UBE2R2: variants seen among roughly 807,000 people sequenced by gnomAD.
UBE2R2 encodes ubiquitin conjugating enzyme E2 R2.
UBE2R2 carries 1 observed loss-of-function variant against 27.8 expected under a neutral mutation model. The ratio of observed to expected loss-of-function variants is 0.04; its 90% CI spans 0.01 to 0.17. The LOEUF (loss-of-function observed/expected upper bound fraction) is 0.17. Ranked by LOEUF, UBE2R2 falls within the 10% of genes least tolerant of loss-of-function variation. The pLI, the probability that UBE2R2 is intolerant of heterozygous loss-of-function variation, is 1.00. For missense variants in UBE2R2, 100 were observed against 291.0 expected (o/e 0.34, Z 4.78); for synonymous variants, 106 against 113.3 (o/e 0.94, Z 0.41).
intron 1 of UBE2R2, 66 bp from the exon 2 acceptor site, chr9:33,886,815 T>TCGCC: frequency 7.5e-7 from 1 of 1,332,522 alleles, no homozygotes; most frequent in South Asian, 1.4e-5. Context: ...TGTAGTAGGG[T>TCGCC]GAATTATTAG....
intron 1 of UBE2R2, among the ~76,000 whole-genome samples, chr9:33,871,369 GGT>G (rs1245718911): frequency 6.6e-6 from 1 of 152,172 alleles, no homozygotes; most frequent in Non-Finnish European, 1.5e-5. Flanking sequence ...ACTAAAAATA[GGT>G]GTCTGATGAG....
At chr9:33,856,463 T>TA (rs11442316) in intron 1 of UBE2R2, among the ~76,000 whole-genome samples, 4,677 of 152,240 alleles carry the variant, frequency 0.031, 154 homozygotes, top group East Asian at 0.089. Context: ...TATTGCTAGT[T>TA]AATGATTTTT....
intron 2 of UBE2R2, among the ~76,000 whole-genome samples, chr9:33,898,839 C>T (rs915244660): frequency 1.3e-5 from 2 of 152,232 alleles, no homozygotes; most frequent in Non-Finnish European, 2.9e-5. Flanking sequence ...AGATAAGTCA[C>T]TGTATTTTAC....
At chr9:33,825,900 T>A (rs1309499077) in intron 1 of UBE2R2, among the ~76,000 whole-genome samples, 1 of 152,154 alleles carries the variant, frequency 6.6e-6, no homozygotes, top group African/African-American at 2.4e-5. Flanking sequence ...CCAGCACTTT[T>A]GGGAGGCGGA....
rs56278863 is a variant in UBE2R2 at position 33,894,172 on chromosome 9, C to T, written c.265-6002C>T. 3.3e-5 allele frequency among the ~76,000 whole-genome samples: 5 copies of T among 152,082 alleles called. No homozygotes were observed. In the South Asian group the frequency reaches 1.0e-3, roughly 32 times the overall value. On this transcript the variant is annotated intron_variant, in intron 2 of 4. Coordinates refer to ENST00000263228, the MANE Select transcript of UBE2R2 (RefSeq NM_017811.4). Reference sequence around the variant, plus strand: ...AAAGGCTAGGTGCAGTGGCTCACATCTGTAATTTCAGCACTTTTAAAGGCC... The same window carrying T: ...AAAGGCTAGGTGCAGTGGCTCACATTTGTAATTTCAGCACTTTTAAAGGCC...
intron 1 of UBE2R2, among the ~76,000 whole-genome samples, chr9:33,876,729 C>A (rs1285337721): frequency 6.6e-6 from 1 of 152,152 alleles, no homozygotes; most frequent in Admixed American, 6.5e-5. Context: ...TCCTGGCTAA[C>A]ATGGTGAAAC....
intron 4 of UBE2R2, among the ~76,000 whole-genome samples, chr9:33,914,315 A>G (rs1328687885): frequency 6.6e-6 from 1 of 152,232 alleles, no homozygotes; most frequent in Non-Finnish European, 1.5e-5. Context: ...GAAAATACCC[A>G]TGTTTGCTAA....
chr9:33,844,515 A>ATT lies in UBE2R2; in HGVS notation c.177+26604_177+26605dup, dbSNP rs34578523. 9.7e-3 allele frequency among the ~76,000 whole-genome samples: 1,066 copies of ATT among 110,102 alleles called. 20 individuals are homozygous for ATT. Among genetic ancestry groups the ATT allele is most frequent in the Middle Eastern group, 0.037 (6 of 164 alleles). The allele number at this position is 110,102 out of a possible 152,430, so 72.2% of individuals were successfully genotyped here. A position where few individuals can be genotyped will look rare whatever the true frequency, so the allele number is the denominator to read the frequency against. On this transcript the variant is annotated intron_variant, in intron 1 of 4. Coordinates refer to ENST00000263228, the MANE Select transcript of UBE2R2 (RefSeq NM_017811.4). ...CACCACGCCTAGCTGTCCCACATCTATTTTTTTTTTTTTTTTTTTTTTTTA... is the reference window on the plus strand; with the variant it reads ...CACCACGCCTAGCTGTCCCACATCTATTTTTTTTTTTTTTTTTTTTTTTTTTA...
chr9:33,909,212 C>T (rs1271443142), intron 3 of UBE2R2, among the ~76,000 whole-genome samples: 1 of 151,964 alleles, frequency 6.6e-6, no homozygotes, highest in African/African-American at 2.4e-5. Flanking sequence ...TCTGGCTGGG[C>T]AAGGTGGCTC....
intron 1 of UBE2R2, among the ~76,000 whole-genome samples, chr9:33,874,330 T>TTGTA (rs1821556757): frequency 6.6e-6 from 1 of 152,260 alleles, no homozygotes; most frequent in South Asian, 2.1e-4. Flanking sequence ...GCATAGACCA[T>TTGTA]TGTATAGAAG....
chr9:33,883,307 G>A (rs1191029704), intron 1 of UBE2R2, among the ~76,000 whole-genome samples: 2 of 152,034 alleles, frequency 1.3e-5, no homozygotes, highest in East Asian at 3.8e-4. Flanking sequence ...GATTCTATAG[G>A]TTAAGGACTC....
At position 33,817,619 on chromosome 9, in the gene UBE2R2, T is replaced by C. The variant is rs855719; in HGVS notation, c.-139T>C. 0.59 allele frequency: 615,748 copies of C among 1,040,250 alleles called. 182,733 individuals carry two copies. The highest frequency in any genetic ancestry group is 0.74 in the East Asian group (11,768 of 15,892). 64.4% of individuals were successfully genotyped at this position (1,040,250 alleles called of 1,614,324 possible). A position where few individuals can be genotyped will look rare whatever the true frequency, so the allele number is the denominator to read the frequency against. On this transcript the variant is annotated 5_prime_UTR_variant, in exon 1 of 5. Transcript: ENST00000263228. The stretch of plus-strand genomic sequence containing the variant: ...CCCACGGGCCGTGTGGGGCCTGGTC[T>C]GGCCCGCCGGGTGTGTGAAGACCGG...
At position 33,919,471 on chromosome 9, in the gene UBE2R2, T is replaced by C. The variant is rs540513379; in HGVS notation, c.*2234T>C. 5.9e-5 allele frequency: 9 copies of C among 152,372 alleles called. No individual in the cohort carries two copies. The highest frequency in any genetic ancestry group is 2.1e-4 in the South Asian group (1 of 4,828). The allele number at this position is 152,372 out of a possible 1,614,324, so 9.4% of individuals were successfully genotyped here. ...TGCACAGCTGTTCCATCAGGCCCTA[T>C]TGGCCTCTGTTAGACATTGACTCAG... On this transcript the variant is annotated 3_prime_UTR_variant, in exon 5 of 5. Coordinates refer to ENST00000263228, the MANE Select transcript of UBE2R2 (RefSeq NM_017811.4).
At chr9:33,916,971 TA>T in intron 4 of UBE2R2, 46 bp from the exon 5 acceptor site, 1 of 1,601,794 alleles carries the variant, frequency 6.2e-7, no homozygotes, top group Non-Finnish European at 8.5e-7. Context: ...AAATCTGTCT[TA>T]AAAAAAGACT....
At chr9:33,908,023 G>A (rs1461207229) in intron 3 of UBE2R2, among the ~76,000 whole-genome samples, 5 of 152,108 alleles carry the variant, frequency 3.3e-5, no homozygotes, top group Non-Finnish European at 4.4e-5. Flanking sequence ...GTTTCACCAT[G>A]TTGCTTGGTC....
In UBE2R2 at chr9:33,884,225, T is replaced by TCTCTCTCTCTCTCTCTCTCTCTCTCC. The variant is rs753452133; in HGVS notation, c.178-2646_178-2645insCTCTCTCTCTCTCTCCCTCTCTCTCT. Reference sequence around the variant, plus strand: ...CTCTCTCTCTCTCTCTCTCTCTCTCTCTCTCTCTCTTCCCCCTCTCTTCCC... The same window carrying TCTCTCTCTCTCTCTCTCTCTCTCTCC: ...CTCTCTCTCTCTCTCTCTCTCTCTCTCTCTCTCTCTCTCTCTCTCTCTCTCCCTCTCTCTCTTCCCCCTCTCTTCCC... On this transcript the variant is annotated intron_variant, in intron 1 of 4. Coordinates refer to ENST00000263228, the MANE Select transcript of UBE2R2 (RefSeq NM_017811.4). Among the ~76,000 whole-genome samples, 3 of 145,726 alleles carry TCTCTCTCTCTCTCTCTCTCTCTCTCC rather than the reference T, an allele frequency of 2.1e-5. 1 individual carries two copies. The highest frequency in any genetic ancestry group is 4.5e-5 in the Non-Finnish European group (3 of 66,130).
chr9:33,826,998 T>C (rs535237738), intron 1 of UBE2R2, among the ~76,000 whole-genome samples: 1 of 152,106 alleles, frequency 6.6e-6, no homozygotes, highest in African/African-American at 2.4e-5. Flanking sequence ...CAGGAGAATC[T>C]CTTGAACCCA....
At position 33,897,098 on chromosome 9, in the gene UBE2R2, G is replaced by A. The variant is rs1236425985; in HGVS notation, c.265-3076G>A. On this transcript the variant is annotated intron_variant, in intron 2 of 4. Coordinates refer to ENST00000263228, the MANE Select transcript of UBE2R2 (RefSeq NM_017811.4). Reference sequence around the variant, plus strand: ...GTTGCCCAGGCTGGAGTGCAGTGGCGCGATCTCAGCTCACTGCAAGCTCCG... The same window carrying A: ...GTTGCCCAGGCTGGAGTGCAGTGGCACGATCTCAGCTCACTGCAAGCTCCG... 3.0e-5 allele frequency among the ~76,000 whole-genome samples: 4 copies of A among 131,708 alleles called. 1 individual carries two copies. The highest frequency in any genetic ancestry group is 6.3e-5 in the Non-Finnish European group (4 of 63,582). The allele number at this position is 131,708 out of a possible 152,430, so 86.4% of individuals were successfully genotyped here. A position where few individuals can be genotyped will look rare whatever the true frequency, so the allele number is the denominator to read the frequency against.
chr9:33,819,866 A>G (rs1292115558), intron 1 of UBE2R2, among the ~76,000 whole-genome samples: 1 of 152,162 alleles, frequency 6.6e-6, no homozygotes, highest in East Asian at 1.9e-4. Context: ...CTCGAACTCC[A>G]GACCCTGTGA....
Sources: allele counts gnomAD v4.1 joint callset (sites outside exome capture counted in the v4.1 genomes callset), GRCh38; gene constraint gnomAD v4.1.1; transcripts MANE v1.5; gene names NCBI Gene and HGNC (gene_info 2026-07-23, HGNC 2026-07-21).